BARX2: variants seen among roughly 807,000 people sequenced by gnomAD.
BARX2 encodes the protein homeobox protein BarH-like 2.
Under a neutral mutation model 25.5 loss-of-function variants are expected in BARX2, and 11 were observed. The observed-to-expected ratio is 0.43, with a 90% CI of 0.27 to 0.71. The LOEUF is 0.71. Among genes scored for constraint, BARX2 ranks in the 30% least tolerant of loss-of-function variants. The pLI is 0.19. For synonymous variants in BARX2, 137 were observed against 149.5 expected, an observed-to-expected ratio of 0.92 and a Z score of 0.61; for missense variants, 360 against 359.9, an observed-to-expected ratio of 1.00 and a Z score of 0.00.
chr11:129,403,874 G>A (rs1191598417), intron 1 of BARX2, among the ~76,000 whole-genome samples: 1 of 152,070 alleles, frequency 6.6e-6, no homozygotes, highest in Non-Finnish European at 1.5e-5. Context: ...ACAGATGTGT[G>A]CTGCCATGCC....
Position 129,390,555 on chromosome 11 carries a change from G to T in BARX2, c.187+14333G>T, listed in dbSNP as rs542739338. Among the ~76,000 whole-genome samples the T allele has an allele frequency of 2.0e-5, 3 of 152,200 alleles. No homozygotes were observed. The South Asian group carries it at 6.2e-4, about 32-fold the overall frequency. ...AGTGGAAAAGGAATGTTGGCCAATG[G>T]GGAAGGGAGAGTGAGGGGTAAGGAA... On this transcript the variant is annotated intron_variant, in intron 1 of 3. Transcript: ENST00000281437. The surrounding 1 kb of genome is among the most constrained non-coding windows in gnomAD (Gnocchi z 4.3).
chr11:129,386,592 C>G (rs1861618263), intron 1 of BARX2, among the ~76,000 whole-genome samples: 1 of 152,204 alleles, frequency 6.6e-6, no homozygotes, highest in Non-Finnish European at 1.5e-5. Context: ...TACCAGCAAT[C>G]AGTGGGCATC....
chr11:129,378,109 G>A (rs544306848), intron 1 of BARX2, among the ~76,000 whole-genome samples: 1 of 152,304 alleles, frequency 6.6e-6, no homozygotes, highest in South Asian at 2.1e-4. Flanking sequence ...TGTGCTTTTC[G>A]AAGTTCACTG....
At chr11:129,438,255 G>C (rs371715626) in intron 2 of BARX2, 3 of 150,816 alleles carry the variant, frequency 2.0e-5, no homozygotes, top group Non-Finnish European at 4.4e-5. Context: ...CCAGGAGGTG[G>C]AGGTTGCAGT....
intron 2 of BARX2, chr11:129,438,382 A>ACT (rs2135412793): frequency 6.6e-6 from 1 of 151,286 alleles, no homozygotes; most frequent in African/African-American, 2.4e-5. Flanking sequence ...TTTCAGACTG[A>ACT]CTCTGGAGAT....
chr11:129,448,656 C>G (rs1413378869), intron 3 of BARX2, among the ~76,000 whole-genome samples: 1 of 152,154 alleles, frequency 6.6e-6, no homozygotes, highest in African/African-American at 2.4e-5. Context: ...AATTGGAACC[C>G]TCATATGCAG....
At chr11:129,403,720 A>AT (rs1276939568) in intron 1 of BARX2, among the ~76,000 whole-genome samples, 3 of 152,128 alleles carry the variant, frequency 2.0e-5, no homozygotes, top group South Asian at 4.1e-4. Context: ...GGCAAATTGT[A>AT]TTTTTTAAAT....
intron 1 of BARX2, among the ~76,000 whole-genome samples, chr11:129,406,695 A>G (rs1565513670): frequency 2.6e-5 from 4 of 152,192 alleles, no homozygotes; most frequent in Admixed American, 6.5e-5. Context: ...ACCAGCCTCA[A>G]CGGTGATTGA....
At chr11:129,412,228 C>T (rs936745730) in intron 1 of BARX2, among the ~76,000 whole-genome samples, 76 of 151,252 alleles carry the variant, frequency 5.0e-4, no homozygotes, top group African/African-American at 1.5e-3. Context: ...ACCGAGATCG[C>T]GTCACTGCAC....
chr11:129,390,283 G>T lies in BARX2; in HGVS notation c.187+14061G>T, dbSNP rs1466643182. On this transcript the variant is annotated intron_variant, in intron 1 of 3. Transcript: ENST00000281437. This position sits in a 1 kb window ranked among gnomAD's most constrained non-coding sequence, Gnocchi z 4.3. ...GTGGGGGCCAAGTGGGATAAGACAGGTGGATGTGTCATCACCACTGAGACG... is the reference window on the plus strand; with the variant it reads ...GTGGGGGCCAAGTGGGATAAGACAGTTGGATGTGTCATCACCACTGAGACG... Among the ~76,000 whole-genome samples, 1 of 152,150 alleles carries T rather than the reference G, an allele frequency of 6.6e-6. No homozygotes were observed. Among genetic ancestry groups the T allele is most frequent in the Non-Finnish European group, 1.5e-5 (1 of 68,038 alleles).
intron 1 of BARX2, among the ~76,000 whole-genome samples, chr11:129,392,232 C>G (rs1411499892): frequency 2.6e-5 from 4 of 152,162 alleles, no homozygotes; most frequent in Non-Finnish European, 4.4e-5. Context: ...CCAAGGTAGC[C>G]TTTGAGCTAA....
At chr11:129,415,258 A>C (rs747319720) in intron 1 of BARX2, among the ~76,000 whole-genome samples, 45 of 152,280 alleles carry the variant, frequency 3.0e-4, no homozygotes, top group Non-Finnish European at 5.7e-4. Context: ...TTGTTGCCTA[A>C]TAATACAGAT....
At position 129,436,678 on chromosome 11, in the gene BARX2, G is replaced by T. The variant is rs773060099; in HGVS notation, c.188-73G>T. ...CCCTGTCAGACAGACCTCAGCCAGCGGCCCTCCGCAGGTCCTGGCCTGCTT... is the reference window on the plus strand; with the variant it reads ...CCCTGTCAGACAGACCTCAGCCAGCTGCCCTCCGCAGGTCCTGGCCTGCTT... On this transcript the variant is annotated intron_variant, in intron 1 of 3. Coordinates refer to ENST00000281437, the MANE Select transcript of BARX2 (RefSeq NM_003658.5). The surrounding 1 kb of genome is among the most constrained non-coding windows in gnomAD (Gnocchi z 4.5). The T allele has an allele frequency of 2.9e-5, 42 of 1,471,448 alleles. 2 individuals are homozygous for T. In the Admixed American group the frequency reaches 8.1e-4, roughly 28 times the overall value. The allele number at this position is 1,471,448 out of a possible 1,614,324, so 91.1% of individuals were successfully genotyped here.
Position 129,376,000 on chromosome 11 carries a change from C to A in BARX2, c.-36C>A. The A allele has an allele frequency of 7.5e-7, 1 of 1,328,058 alleles. No homozygotes were observed. Among genetic ancestry groups the A allele is most frequent in the Non-Finnish European group, 9.7e-7 (1 of 1,034,768 alleles). 82.3% of individuals were successfully genotyped at this position (1,328,058 alleles called of 1,614,324 possible). A position where few individuals can be genotyped will look rare whatever the true frequency, so the allele number is the denominator to read the frequency against. On this transcript the variant is annotated 5_prime_UTR_variant, in exon 1 of 4. Transcript: ENST00000281437. The surrounding 1 kb of genome is among the most constrained non-coding windows in gnomAD (Gnocchi z 4.0). ...CCCCAGCGGGCCGGGCACTCGCAGC[C>A]GCGCTCGGGCCGGCGGACGCTCGCG...
chr11:129,422,588 C>T (rs1252361745), intron 1 of BARX2, among the ~76,000 whole-genome samples: 1 of 152,156 alleles, frequency 6.6e-6, no homozygotes, highest in African/African-American at 2.4e-5. Flanking sequence ...CGTGAGCCAT[C>T]GTGTCCAGCC....
At chr11:129,438,624 G>A (rs1248628507) in intron 2 of BARX2, among the ~76,000 whole-genome samples, 2 of 152,218 alleles carry the variant, frequency 1.3e-5, no homozygotes, top group African/African-American at 4.8e-5. Context: ...TTCTGATTCT[G>A]TTAATGAGGC....
chr11:129,446,741 T>C (rs1365016557), intron 3 of BARX2, among the ~76,000 whole-genome samples: 7 of 152,112 alleles, frequency 4.6e-5, no homozygotes, highest in Non-Finnish European at 8.8e-5. Flanking sequence ...GCCTTGGCAT[T>C]TGGGGCCTTG....
chr11:129,423,337 G>A (rs1443322916), intron 1 of BARX2, among the ~76,000 whole-genome samples: 8 of 151,626 alleles, frequency 5.3e-5, no homozygotes, highest in African/African-American at 9.7e-5. Context: ...AGCTGGTCTC[G>A]AACTCCTGAC....
At chr11:129,427,657 G>A (rs1862081312) in intron 1 of BARX2, among the ~76,000 whole-genome samples, 1 of 152,132 alleles carries the variant, frequency 6.6e-6, no homozygotes, top group South Asian at 2.1e-4. Flanking sequence ...CTAGAATGTT[G>A]GAAGAATAGA....
Sources: allele counts gnomAD v4.1 joint callset (sites outside exome capture counted in the v4.1 genomes callset), GRCh38; gene constraint gnomAD v4.1.1; non-coding constraint Gnocchi (gnomAD v3.1); transcripts MANE v1.5; gene names NCBI Gene and HGNC (gene_info 2026-07-23, HGNC 2026-07-21).